The following TGM6 variants were observed in gnomAD, a reference collection of about 807,000 sequenced individuals.
TGM6 encodes the protein transglutaminase 6.
TGM6 carries 74 observed loss-of-function variants against 77.5 expected under a neutral mutation model. The observed-to-expected ratio is 0.96, with a 90% CI of 0.79 to 1.16. TGM6 has a LOEUF of 1.16. Among genes scored for constraint, TGM6 ranks in the 50% most tolerant of loss-of-function variants. TGM6 has a pLI of 0.00. For missense variants in TGM6, 968 were observed against 940.2 expected, an observed-to-expected ratio of 1.03 and a Z score of -0.39; for synonymous variants, 383 against 378.9, an observed-to-expected ratio of 1.01 and a Z score of -0.12.
chr20:2,410,624 T>A (rs1478462941), intron 9 of TGM6, among the ~76,000 whole-genome samples: 1 of 152,124 alleles, frequency 6.6e-6, no homozygotes, highest in South Asian at 2.1e-4. Context: ...AGTCTCAGTC[T>A]TGTGGGACTG....
At chr20:2,414,754 G>A (rs1325306940) in intron 9 of TGM6, among the ~76,000 whole-genome samples, 1 of 152,162 alleles carries the variant, frequency 6.6e-6, no homozygotes, top group Non-Finnish European at 1.5e-5. Flanking sequence ...GCTACCTACA[G>A]TGTGAACGAA....
Position 2,417,563 on chromosome 20 carries a change from G to T in TGM6, c.1668G>T (p.Gly556=), listed in dbSNP as rs781154109. ...ATGAATCCCACGCCGTGAGGCTGGG[G>T]CCGCAAGAAGGTAAGTGTACGCTGG... The part of the protein sequence containing the change: ...ILHESHAVRL[G]PQEEKRIPIT... Residue 556 remains glycine (G), a synonymous_variant, in exon 10 of 13, where the codon GGG becomes GGT. Coordinates refer to ENST00000202625, the MANE Select transcript of TGM6 (RefSeq NM_198994.3). 1.3e-5 allele frequency: 21 copies of T among 1,600,824 alleles called. No homozygotes were observed. The African/African-American group carries it at 2.5e-4, about 19-fold the overall frequency.
chr20:2,389,480 G>A (rs928681050), intron 1 of TGM6, among the ~76,000 whole-genome samples: 1 of 152,070 alleles, frequency 6.6e-6, no homozygotes, highest in Non-Finnish European at 1.5e-5. Flanking sequence ...GCTAAACTCT[G>A]GGTTAAACAG....
At chr20:2,426,642 G>A (rs6048878) in intron 10 of TGM6, among the ~76,000 whole-genome samples, 33,939 of 152,062 alleles carry the variant, frequency 0.22, 3,977 homozygotes, top group South Asian at 0.3. Context: ...GACAATGTTT[G>A]CTGTAGGTTT....
chr20:2,392,745 T>C (rs1343773045), intron 1 of TGM6, among the ~76,000 whole-genome samples: 5 of 152,028 alleles, frequency 3.3e-5, no homozygotes, highest in African/African-American at 1.2e-4. Context: ...CTACCAAAAA[T>C]ACAAAAAATT....
At chr20:2,400,534 G>T in intron 7 of TGM6, 90 bp downstream of exon 7, 1 of 1,582,082 alleles carries the variant, frequency 6.3e-7, no homozygotes. Flanking sequence ...CCAGGGAGCG[G>T]CAGGCCCAGA....
chr20:2,399,837 T>G, intron 6 of TGM6, 99 bp downstream of exon 6: 1 of 1,070,668 alleles, frequency 9.3e-7, no homozygotes, highest in Non-Finnish European at 1.4e-6. Context: ...CCATCTTCAT[T>G]GATGGATTCA....
intron 10 of TGM6, among the ~76,000 whole-genome samples, chr20:2,427,738 G>A (rs2084897634): frequency 6.6e-6 from 1 of 151,956 alleles, no homozygotes; most frequent in South Asian, 2.1e-4. Context: ...GTGTGTTGGG[G>A]GAGGGGTGTT....
chr20:2,410,581 C>A (rs931325349), intron 9 of TGM6, among the ~76,000 whole-genome samples: 2 of 152,042 alleles, frequency 1.3e-5, no homozygotes, highest in African/African-American at 4.8e-5. Flanking sequence ...TGTGAGTAAC[C>A]CCGAGTAACC....
At chr20:2,392,218 C>T (rs548603654) in intron 1 of TGM6, among the ~76,000 whole-genome samples, 4 of 152,312 alleles carry the variant, frequency 2.6e-5, no homozygotes, top group African/African-American at 9.6e-5. Flanking sequence ...TAGCATCCAG[C>T]ACAATGCCCA....
rs2084657496 is a variant in TGM6, at chr20:2,395,369, C to G, written c.357C>G (p.Ser119=). The part of the protein sequence containing the change: ...IGRYLLSIRL[S]SHRKHSNRRL... ...GCTACCTGCTGAGCATCAGGCTTTCCTCTCACCGCAAACACAGCAACCGGA... is the reference window on the plus strand; with the variant it reads ...GCTACCTGCTGAGCATCAGGCTTTCGTCTCACCGCAAACACAGCAACCGGA... The change falls in exon 3 of 13, where the codon TCC becomes TCG. Residue 119 remains serine, a synonymous_variant. Coordinates refer to ENST00000202625, the MANE Select transcript of TGM6 (RefSeq NM_198994.3). 6.2e-7 allele frequency: 1 copy of G among 1,614,274 alleles called. No homozygotes were observed. Among genetic ancestry groups the G allele is most frequent in the Non-Finnish European group, 8.5e-7 (1 of 1,180,042 alleles).
intron 10 of TGM6, among the ~76,000 whole-genome samples, chr20:2,424,735 C>T (rs765640393): frequency 2.0e-5 from 3 of 152,172 alleles, no homozygotes; most frequent in African/African-American, 4.8e-5. Flanking sequence ...TAGCTTTTGG[C>T]CCATCTTGGC....
chr20:2,416,672 C>T (rs1236651193), intron 9 of TGM6, among the ~76,000 whole-genome samples: 2 of 152,176 alleles, frequency 1.3e-5, no homozygotes, highest in Non-Finnish European at 2.9e-5. Flanking sequence ...TGCCTCCTCC[C>T]TGTTTCCATT....
At chr20:2,397,120 G>A (rs2084674568) in intron 4 of TGM6, among the ~76,000 whole-genome samples, 1 of 152,204 alleles carries the variant, frequency 6.6e-6, no homozygotes, top group Admixed American at 6.5e-5. Flanking sequence ...GAATGATAGG[G>A]ATGGAAGCAA....
intron 4 of TGM6, 70 bp from the exon 5 acceptor site, chr20:2,397,848 A>G (rs2084679209): frequency 6.2e-7 from 1 of 1,613,128 alleles, no homozygotes; most frequent in Admixed American, 1.7e-5. Context: ...TGACCGGGTG[A>G]GGGCTGTGGG....
intron 1 of TGM6, among the ~76,000 whole-genome samples, chr20:2,381,626 G>C (rs1020920458): frequency 6.6e-6 from 1 of 152,212 alleles, no homozygotes; most frequent in African/African-American, 2.4e-5. Flanking sequence ...AGTAGACTCA[G>C]AAAATGTGGG....
Position 2,403,410 on chromosome 20 carries a change from T to C in TGM6, c.1003T>C (p.Trp335Arg). The change falls in exon 8 of 13, where the codon TGG (tryptophan) becomes CGG (arginine). Residue 335 changes from tryptophan (W) to arginine (R), a missense_variant. By Grantham distance (101) the Trp-to-Arg change is moderately radical. Transcript: ENST00000202625. ...TCTCTGTGGCAGGAATTTCCATGTC[T>C]GGAATGAGAGCTGGTTTGCCCGGCA... Reference protein sequence around the residue: ...TEDSMWNFHVWNESWFARQDL... With the variant: ...TEDSMWNFHVRNESWFARQDL... 4 of 1,614,174 alleles carry C rather than the reference T, an allele frequency of 2.5e-6. No individual in the cohort carries two copies. The highest frequency in any genetic ancestry group is 3.4e-6 in the Non-Finnish European group (4 of 1,180,038).
At chr20:2,428,970 C>T (rs1375300671) in intron 10 of TGM6, among the ~76,000 whole-genome samples, 2 of 150,990 alleles carry the variant, frequency 1.3e-5, no homozygotes, top group Non-Finnish European at 2.9e-5. Flanking sequence ...ATTATAGGCA[C>T]AACACCACGC....
At position 2,382,336 on chromosome 20, in the gene TGM6, C is replaced by T. The variant is rs192853210; in HGVS notation, c.7+1361C>T. 1.6e-3 allele frequency among the ~76,000 whole-genome samples: 239 copies of T among 152,278 alleles called. 1 individual carries two copies. The highest frequency in any genetic ancestry group is 2.8e-3 in the Admixed American group (43 of 15,296). On this transcript the variant is annotated intron_variant, in intron 1 of 12. Coordinates refer to ENST00000202625, the MANE Select transcript of TGM6 (RefSeq NM_198994.3). ...CTGTTTCCAGAGCTGGGGTTGCCTCCCTGATGGCCCTGGTGCAGAGGGGAT... is the reference window on the plus strand; with the variant it reads ...CTGTTTCCAGAGCTGGGGTTGCCTCTCTGATGGCCCTGGTGCAGAGGGGAT...
Sources: gnomAD v4.1 joint callset for allele counts (sites outside exome capture counted in the v4.1 genomes callset) on GRCh38, gnomAD v4.1.1 for gene constraint, MANE v1.5 for transcripts, NCBI Gene and HGNC (gene_info 2026-07-23, HGNC 2026-07-21) for gene names.